Variants in ZNF680 observed in about 807,000 individuals in gnomAD.
ZNF680 encodes zinc finger protein 680.
In ZNF680, 6 loss-of-function variants were observed where a neutral mutation model predicts 12.1. The observed-to-expected ratio is 0.49, with a 90% CI of 0.27 to 0.98. The LOEUF (loss-of-function observed/expected upper bound fraction) is 0.98. Among genes scored for constraint, ZNF680 ranks in the 50% least tolerant of loss-of-function variants. The pLI, the probability that ZNF680 is intolerant of heterozygous loss-of-function variation, is 0.12. For missense variants in ZNF680, 561 were observed against 616.3 expected (o/e 0.91, Z 0.95); for synonymous variants, 170 against 199.3 (o/e 0.85, Z 1.24).
chr7:64,516,618 G>C (rs997342403), downstream of ZNF680, among the ~76,000 whole-genome samples: 28 of 152,064 alleles, frequency 1.8e-4, no homozygotes, highest in African/African-American at 6.8e-4. Context: ...GAACAAATGG[G>C]CTTAACAGCT....
At chr7:64,524,421 C>T (rs534158314) in intron 3 of ZNF680, among the ~76,000 whole-genome samples, 5 of 152,196 alleles carry the variant, frequency 3.3e-5, no homozygotes, top group East Asian at 3.9e-4. Context: ...TGAGCCACCA[C>T]GCCTGGCTCA....
At chr7:64,526,491 G>C (rs1251002385) in intron 3 of ZNF680, 1 of 1,025,814 alleles carries the variant, frequency 9.7e-7, no homozygotes, top group South Asian at 1.5e-5. Flanking sequence ...AGGAGTTCAA[G>C]ATCAGCCTGA....
chr7:64,523,608 A>C (rs17138871), intron 3 of ZNF680, among the ~76,000 whole-genome samples: 153 of 152,296 alleles, frequency 1.0e-3, no homozygotes, highest in African/African-American at 3.5e-3. Context: ...CTTTCATTAA[A>C]GGGATTTATT....
chr7:64,547,829 T>TA (rs1270755796), intron 1 of ZNF680, among the ~76,000 whole-genome samples: 1 of 152,138 alleles, frequency 6.6e-6, no homozygotes, highest in East Asian at 1.9e-4. Flanking sequence ...TTTATAAAAA[T>TA]AAAAAATTAA....
the ZNF680 span, among the ~76,000 whole-genome samples, chr7:64,508,906 AT>A: frequency 6.6e-6 from 1 of 152,098 alleles, no homozygotes; most frequent in Admixed American, 6.5e-5. Context: ...AAAAATTGCC[AT>A]TTTTGTGATT....
At chr7:64,539,367 AAAAAAAAAG>A (rs1303268409) in intron 3 of ZNF680, among the ~76,000 whole-genome samples, 102 of 138,574 alleles carry the variant, frequency 7.4e-4, no homozygotes, top group African/African-American at 2.2e-3. Flanking sequence ...AAAAAAAAAA[AAAAAAAAAG>A]AAAAGAAAAT....
intron 3 of ZNF680, among the ~76,000 whole-genome samples, chr7:64,533,282 A>G (rs1339573212): frequency 6.6e-6 from 1 of 152,168 alleles, no homozygotes; most frequent in Non-Finnish European, 1.5e-5. Context: ...GACTCCTCCA[A>G]AAAACTCCTA....
chr7:64,508,962 T>C, the ZNF680 span, among the ~76,000 whole-genome samples: 2 of 152,170 alleles, frequency 1.3e-5, no homozygotes, highest in African/African-American at 4.8e-5. Context: ...AATTTTCTAG[T>C]AAGGGCGTTT....
At chr7:64,543,639 G>A (rs907832375) in intron 3 of ZNF680, 68 bp downstream of exon 3, 11 of 1,340,308 alleles carry the variant, frequency 8.2e-6, no homozygotes, top group Non-Finnish European at 1.2e-5. Flanking sequence ...GTCAAGAACT[G>A]ACTTTCTCTT....
chr7:64,556,825 A>C (rs1277475800), intron 1 of ZNF680, among the ~76,000 whole-genome samples: 1 of 152,262 alleles, frequency 6.6e-6, no homozygotes, highest in East Asian at 1.9e-4. Flanking sequence ...AAGAAACTAA[A>C]GAGCTTCTTC....
chr7:64,558,260 C>CA (rs1168746438), intron 1 of ZNF680, among the ~76,000 whole-genome samples: 33 of 147,710 alleles, frequency 2.2e-4, no homozygotes, highest in African/African-American at 4.7e-4. Context: ...GGATTTTTGG[C>CA]AAAAAAAAAC....
the ZNF680 span, among the ~76,000 whole-genome samples, chr7:64,510,419 A>C: frequency 1.6e-4 from 24 of 152,214 alleles, no homozygotes; most frequent in South Asian, 5.0e-3. Context: ...TCAATAAAAA[A>C]AACAGGTTTA....
the ZNF680 span, among the ~76,000 whole-genome samples, chr7:64,505,148 G>C: frequency 6.6e-6 from 1 of 152,290 alleles, no homozygotes; most frequent in Non-Finnish European, 1.5e-5. Flanking sequence ...TCTTTGCTCC[G>C]TGTTAGTAAT....
At chr7:64,546,933 C>T (rs1345264975) in intron 1 of ZNF680, among the ~76,000 whole-genome samples, 1 of 152,110 alleles carries the variant, frequency 6.6e-6, no homozygotes, top group African/African-American at 2.4e-5. Context: ...CTGAACCCCT[C>T]ATACTTGACT....
At chr7:64,504,948 T>C in the ZNF680 span, among the ~76,000 whole-genome samples, 1 of 152,220 alleles carries the variant, frequency 6.6e-6, no homozygotes, top group Admixed American at 6.5e-5. Flanking sequence ...CTTCAATCTT[T>C]CAGTGTTAAG....
chr7:64,561,934 C>CAAAAAAAAAAAAAAAAAAAAAAAAAAAA (rs1187872173), intron 1 of ZNF680, among the ~76,000 whole-genome samples: 2 of 80,332 alleles, frequency 2.5e-5, no homozygotes, highest in African/African-American at 4.4e-5. Context: ...GACTCCGTCT[C>CAAAAAAAAAAAAAAAAAAAAAAAAAAAA]AAAAAAAAAA....
At chr7:64,507,790 A>G in the ZNF680 span, among the ~76,000 whole-genome samples, 2 of 151,426 alleles carry the variant, frequency 1.3e-5, no homozygotes, top group African/African-American at 4.9e-5. Context: ...TGGGCCAGAG[A>G]AAAAAGTGTT....
chr7:64,544,245 A>C, intron 2 of ZNF680, 61 bp downstream of exon 2: 4 of 1,545,134 alleles, frequency 2.6e-6, no homozygotes, highest in Non-Finnish European at 2.6e-6. Flanking sequence ...CAAGTTATGC[A>C]AAAAAAGAGA....
chr7:64,509,056 C>T, the ZNF680 span, among the ~76,000 whole-genome samples: 1 of 152,088 alleles, frequency 6.6e-6, no homozygotes, highest in Non-Finnish European at 1.5e-5. Context: ...TTTGTTTCTT[C>T]CCTCCATGTA....
Sources: gnomAD v4.1 joint callset for allele counts (sites outside exome capture counted in the v4.1 genomes callset) on GRCh38, gnomAD v4.1.1 for gene constraint, MANE v1.5 for transcripts, NCBI Gene and HGNC (gene_info 2026-07-23, HGNC 2026-07-21) for gene names.